Variants in ADK observed in about 807,000 individuals in gnomAD.
ADK encodes N6,N6-dimethyladenosine kinase.
In ADK, 24 loss-of-function variants were observed where a neutral mutation model predicts 44.7. That is an observed-to-expected ratio of 0.54 (90% CI 0.39 to 0.76). The LOEUF is 0.76. Ranked by LOEUF, ADK falls within the 30% of genes least tolerant of loss-of-function variation. The pLI is 0.00. For missense variants in ADK, 321 were observed against 425.1 expected (o/e 0.76, Z 2.15); for synonymous variants, 128 against 142.6 (o/e 0.90, Z 0.73).
At chr10:74,173,264 TTTTA>T in intron 1 of ADK, among the ~76,000 whole-genome samples, 1 of 150,842 alleles carries the variant, frequency 6.6e-6, no homozygotes, top group East Asian at 2.0e-4. Flanking sequence ...CTAATTTTTT[TTTTA>T]ATTTTTAGTA....
intron 2 of ADK, among the ~76,000 whole-genome samples, chr10:74,215,348 C>T (rs1044436049): frequency 4.6e-5 from 7 of 152,330 alleles, no homozygotes; most frequent in Non-Finnish European, 8.8e-5. Context: ...TAGGCTCTGT[C>T]GCCTAGGTTG....
chr10:74,205,115 A>G (rs1039307791), intron 2 of ADK, among the ~76,000 whole-genome samples: 12 of 151,702 alleles, frequency 7.9e-5, no homozygotes, highest in African/African-American at 2.7e-4. Context: ...CCAAATTTCA[A>G]TGGAATCCAT....
At chr10:74,587,051 C>T (rs1261817402) in intron 7 of ADK, among the ~76,000 whole-genome samples, 1 of 152,000 alleles carries the variant, frequency 6.6e-6, no homozygotes, top group Non-Finnish European at 1.5e-5. Flanking sequence ...CACATTCTTC[C>T]TTTGAACTTT....
At chr10:74,480,673 G>A (rs898580481) in intron 6 of ADK, among the ~76,000 whole-genome samples, 5 of 151,952 alleles carry the variant, frequency 3.3e-5, no homozygotes, top group Admixed American at 2.0e-4. Context: ...CATCATTAAG[G>A]TCTAATAATT....
At chr10:74,161,112 G>A (rs1841886096) in intron 1 of ADK, among the ~76,000 whole-genome samples, 1 of 152,206 alleles carries the variant, frequency 6.6e-6, no homozygotes, top group South Asian at 2.1e-4. Context: ...GCTACTTGAA[G>A]TTGGGAAACT....
At chr10:74,552,412 A>G (rs182203374) in intron 7 of ADK, among the ~76,000 whole-genome samples, 61 of 152,264 alleles carry the variant, frequency 4.0e-4, no homozygotes, top group African/African-American at 1.4e-3. Flanking sequence ...AAGGTCTCCT[A>G]TGGTTAAGGC....
chr10:74,336,403 A>C (rs1232647592), intron 4 of ADK, among the ~76,000 whole-genome samples: 2 of 152,020 alleles, frequency 1.3e-5, no homozygotes, highest in Admixed American at 6.5e-5. Flanking sequence ...CTCCAATATC[A>C]TACTTCTCTG....
intron 9 of ADK, among the ~76,000 whole-genome samples, chr10:74,643,255 G>T (rs1266873967): frequency 6.6e-6 from 1 of 151,980 alleles, no homozygotes; most frequent in Non-Finnish European, 1.5e-5. Flanking sequence ...CATTTAATTT[G>T]GTTTTATAAA....
chr10:74,247,041 G>A (rs1051845553), intron 3 of ADK, among the ~76,000 whole-genome samples: 1 of 151,792 alleles, frequency 6.6e-6, no homozygotes, highest in Non-Finnish European at 1.5e-5. Flanking sequence ...TTTTTAAAGT[G>A]TAAAGTGGTC....
chr10:74,489,655 C>T (rs1359679063), intron 6 of ADK, among the ~76,000 whole-genome samples: 2 of 151,732 alleles, frequency 1.3e-5, no homozygotes, highest in African/African-American at 2.4e-5. Flanking sequence ...ATTATTGTTC[C>T]AGATACAAAG....
chr10:74,273,194 C>T (rs1846509979), intron 3 of ADK, among the ~76,000 whole-genome samples: 1 of 151,944 alleles, frequency 6.6e-6, no homozygotes, highest in Non-Finnish European at 1.5e-5. Flanking sequence ...AAAAAATTGC[C>T]TTAAGCTGTC....
chr10:74,241,591 G>A (rs1312716496), intron 3 of ADK, among the ~76,000 whole-genome samples: 1 of 152,146 alleles, frequency 6.6e-6, no homozygotes, highest in Admixed American at 6.5e-5. Context: ...TCACCATATT[G>A]GTCAGGCTGG....
chr10:74,469,263 C>T lies in ADK; in HGVS notation c.556-55993C>T, dbSNP rs539440316. Among the ~76,000 whole-genome samples the T allele has an allele frequency of 1.6e-4, 25 of 152,260 alleles. No individual in the cohort carries two copies. The South Asian group carries it at 5.2e-3, about 32-fold the overall frequency. The stretch of plus-strand genomic sequence containing the variant: ...CTAAGGTGAGAAAATCACCTGAGCC[C>T]AGGAGTTTGATGCTGCGGTGAACTG... On this transcript the variant is annotated intron_variant, in intron 6 of 10. Coordinates refer to ENST00000539909, the MANE Select transcript of ADK (RefSeq NM_006721.4).
chr10:74,406,461 A>G (rs1592163533), intron 6 of ADK, among the ~76,000 whole-genome samples: 3 of 151,206 alleles, frequency 2.0e-5, no homozygotes, highest in African/African-American at 4.8e-5. Flanking sequence ...ATTTAACAAT[A>G]AGTTTTCTCT....
intron 7 of ADK, among the ~76,000 whole-genome samples, chr10:74,532,777 T>C (rs1303084457): frequency 6.6e-6 from 1 of 151,830 alleles, no homozygotes; most frequent in Non-Finnish European, 1.5e-5. Flanking sequence ...GGCACACGCC[T>C]GTAATTCCAG....
chr10:74,581,726 G>T (rs903696679), intron 7 of ADK, among the ~76,000 whole-genome samples: 9 of 152,002 alleles, frequency 5.9e-5, no homozygotes, highest in Non-Finnish European at 1.3e-4. Context: ...GAGAAACAAA[G>T]ATAAGAATAG....
chr10:74,395,059 G>A (rs1843460374), intron 5 of ADK, among the ~76,000 whole-genome samples: 1 of 152,004 alleles, frequency 6.6e-6, no homozygotes, highest in Non-Finnish European at 1.5e-5. Context: ...CCCTTTGCAA[G>A]GGAAAAACAA....
At chr10:74,286,827 C>T (rs575593054) in intron 3 of ADK, among the ~76,000 whole-genome samples, 1 of 152,142 alleles carries the variant, frequency 6.6e-6, no homozygotes, top group Admixed American at 6.5e-5. Flanking sequence ...AGAATACTAC[C>T]ATGAAATAGT....
intron 3 of ADK, among the ~76,000 whole-genome samples, chr10:74,233,308 A>G (rs189212979): frequency 1.8e-4 from 27 of 152,334 alleles, no homozygotes; most frequent in African/African-American, 6.5e-4. Flanking sequence ...TTAATAGGGA[A>G]ACTGTGAAGG....
Sources: gnomAD v4.1 joint callset for allele counts (sites outside exome capture counted in the v4.1 genomes callset) on GRCh38, gnomAD v4.1.1 for gene constraint, MANE v1.5 for transcripts, NCBI Gene and HGNC (gene_info 2026-07-23, HGNC 2026-07-21) for gene names.